The following OSBPL3 variants were observed in gnomAD, a reference collection of about 807,000 sequenced individuals.
OSBPL3 encodes oxysterol binding protein like 3.
In OSBPL3, 65 loss-of-function variants were observed where a neutral mutation model predicts 120.1. The ratio of observed to expected loss-of-function variants is 0.54; its 90% CI spans 0.44 to 0.67. The LOEUF is 0.67. Among genes scored for constraint, OSBPL3 ranks in the 30% least tolerant of loss-of-function variants. The probability of loss-of-function intolerance (pLI) is 0.00; values close to 1 mark genes in which losing one functional copy is unlikely to be tolerated. For missense variants in OSBPL3, 1,004 were observed against 1,082.1 expected, an observed-to-expected ratio of 0.93 and a Z score of 1.01; for synonymous variants, 416 against 402.6, an observed-to-expected ratio of 1.03 and a Z score of -0.40.
intron 12 of OSBPL3, among the ~76,000 whole-genome samples, chr7:24,846,610 AG>A (rs1798476895): frequency 6.6e-6 from 1 of 152,248 alleles, no homozygotes; most frequent in African/African-American, 2.4e-5. Flanking sequence ...AAATAATCAA[AG>A]AACTGATAAC....
Position 24,804,208 on chromosome 7 carries a change from G to A in OSBPL3, c.2567+107C>T. The A allele has an allele frequency of 7.5e-7, 1 of 1,342,194 alleles. No homozygotes were observed. The highest frequency in any genetic ancestry group is 1.0e-6 in the Non-Finnish European group (1 of 952,784). The allele number at this position is 1,342,194 out of a possible 1,614,324, so 83.1% of individuals were successfully genotyped here. ...CCCCACGTGGAAGCAGGAAAAGCCT[G>A]GAGAATGCTCTTATCTGGGGACAGT... On this transcript the variant is annotated intron_variant, in intron 22 of 22. Coordinates refer to ENST00000313367, the MANE Select transcript of OSBPL3 (RefSeq NM_015550.4). This position sits in a 1 kb window ranked among gnomAD's most constrained non-coding sequence, Gnocchi z 5.4.
chr7:24,862,252 CA>C lies in OSBPL3; in HGVS notation c.871-484del, dbSNP rs1446177090. On this transcript the variant is annotated intron_variant, in intron 9 of 22. Coordinates refer to ENST00000313367, the MANE Select transcript of OSBPL3 (RefSeq NM_015550.4). The surrounding 1 kb of genome is among the most constrained non-coding windows in gnomAD (Gnocchi z 4.4). Reference sequence around the variant, plus strand: ...TGAGAACTCAAGACAACACTTTCCACAGAAACTTGCTTCTTGTGAGCTAAAA... The same window carrying C: ...TGAGAACTCAAGACAACACTTTCCACGAAACTTGCTTCTTGTGAGCTAAAA... Among the ~76,000 whole-genome samples the C allele has an allele frequency of 2.6e-5, 4 of 152,190 alleles. No homozygotes were observed. The highest frequency in any genetic ancestry group is 5.9e-5 in the Non-Finnish European group (4 of 68,042).
chr7:24,814,089 C>T (rs777840234), intron 19 of OSBPL3, among the ~76,000 whole-genome samples: 43 of 152,016 alleles, frequency 2.8e-4, no homozygotes, highest in Non-Finnish European at 5.3e-4. Flanking sequence ...TGACTTCAGA[C>T]GGTGATAAGA....
rs146350779 is a variant in OSBPL3 at position 24,977,915 on chromosome 7, T to C, written c.-150+1971A>G. On this transcript the variant is annotated intron_variant, in intron 1 of 22. Transcript: ENST00000313367. Reference sequence around the variant, plus strand: ...CTGCAGCCTGGGAGTATCTGGCTTATGATGTAACTATTAACGATTACTGAA... The same window carrying C: ...CTGCAGCCTGGGAGTATCTGGCTTACGATGTAACTATTAACGATTACTGAA... Among the ~76,000 whole-genome samples, 1,051 of 152,388 alleles carry C rather than the reference T, an allele frequency of 6.9e-3. 8 individuals are homozygous for C. Among genetic ancestry groups the C allele is most frequent in the Admixed American group, 0.011 (167 of 15,310 alleles).
At chr7:24,908,424 C>T (rs905042476) in intron 1 of OSBPL3, among the ~76,000 whole-genome samples, 34 of 152,304 alleles carry the variant, frequency 2.2e-4, no homozygotes, top group Non-Finnish European at 7.4e-5. Context: ...GAGAAGAAAG[C>T]GCCCTCCATA....
intron 1 of OSBPL3, among the ~76,000 whole-genome samples, chr7:24,960,960 A>G (rs1480977223): frequency 6.6e-6 from 1 of 152,246 alleles, no homozygotes; most frequent in Non-Finnish European, 1.5e-5. Flanking sequence ...TGAAATTTGC[A>G]AAAGGCAGGT....
At chr7:24,979,448 C>CA (rs1218921699) in intron 1 of OSBPL3, among the ~76,000 whole-genome samples, 1 of 152,058 alleles carries the variant, frequency 6.6e-6, no homozygotes, top group African/African-American at 2.4e-5. Context: ...AGCGTTGTCT[C>CA]AGTCTCTCCG....
At position 24,830,949 on chromosome 7, in the gene OSBPL3, G is replaced by A. The variant is rs747540727; in HGVS notation, c.1747-44C>T. On this transcript the variant is annotated intron_variant, in intron 15 of 22. Coordinates refer to ENST00000313367, the MANE Select transcript of OSBPL3 (RefSeq NM_015550.4). This position sits in a 1 kb window ranked among gnomAD's most constrained non-coding sequence, Gnocchi z 4.4. ...AACTTTGTCATTTCCGTGTCACCAAGAGCTTTATTGTTCACAAAGAACTAA... is the reference window on the plus strand; with the variant it reads ...AACTTTGTCATTTCCGTGTCACCAAAAGCTTTATTGTTCACAAAGAACTAA... 2 of 1,532,904 alleles carry A rather than the reference G, an allele frequency of 1.3e-6. No homozygotes were observed. The highest frequency in any genetic ancestry group is 2.3e-5 in the Admixed American group (1 of 44,050). The allele number at this position is 1,532,904 out of a possible 1,614,324, so 95.0% of individuals were successfully genotyped here. A position where few individuals can be genotyped will look rare whatever the true frequency, so the allele number is the denominator to read the frequency against.
chr7:24,823,396 T>G (rs1307153526), intron 16 of OSBPL3, among the ~76,000 whole-genome samples: 1 of 152,156 alleles, frequency 6.6e-6, no homozygotes, highest in Non-Finnish European at 1.5e-5. Flanking sequence ...GTATTTTCAC[T>G]TAGTTCTTAG....
intron 16 of OSBPL3, among the ~76,000 whole-genome samples, chr7:24,823,103 G>T (rs952864650): frequency 2.6e-5 from 4 of 152,150 alleles, no homozygotes; most frequent in Admixed American, 2.0e-4. Context: ...GGGAACGAGG[G>T]AAAGGTTTTT....
chr7:24,938,864 A>G lies in OSBPL3; in HGVS notation c.-150+41022T>C, dbSNP rs1297429553. On this transcript the variant is annotated intron_variant, in intron 1 of 22. Coordinates refer to ENST00000313367, the MANE Select transcript of OSBPL3 (RefSeq NM_015550.4). The surrounding 1 kb of genome is among the most constrained non-coding windows in gnomAD (Gnocchi z 5.8). ...AGAGCAAAACTAATGTGGCCAAGAA[A>G]GAAAAAAAAAAAAGATTGTTATTAA... 6.6e-6 allele frequency among the ~76,000 whole-genome samples: 1 copy of G among 150,442 alleles called. No homozygotes were observed. The highest frequency in any genetic ancestry group is 1.5e-5 in the Non-Finnish European group (1 of 67,578).
rs537541172 is a variant in OSBPL3, at chr7:24,803,064, C to CA, written c.2567+1250dup. Among the ~76,000 whole-genome samples, 500 of 152,272 alleles carry CA rather than the reference C, an allele frequency of 3.3e-3. 3 individuals are homozygous for CA. Among genetic ancestry groups the CA allele is most frequent in the African/African-American group, 0.012 (478 of 41,558 alleles). On this transcript the variant is annotated intron_variant, in intron 22 of 22. Transcript: ENST00000313367. This position sits in a 1 kb window ranked among gnomAD's most constrained non-coding sequence, Gnocchi z 4.2. ...GAAAAGAGCATCATATTCTTCAAGACAAAACCTTATTTGTCACTATTTTGA... is the reference window on the plus strand; with the variant it reads ...GAAAAGAGCATCATATTCTTCAAGACAAAAACCTTATTTGTCACTATTTTGA...
In OSBPL3 at chr7:24,873,534, A is replaced by G. The variant is rs1802451470; in HGVS notation, c.97-1465T>C. 6.6e-6 allele frequency among the ~76,000 whole-genome samples: 1 copy of G among 152,166 alleles called. No homozygotes were observed. The highest frequency in any genetic ancestry group is 2.4e-5 in the African/African-American group (1 of 41,426). The stretch of plus-strand genomic sequence containing the variant: ...CCCAAGATCTGGAGTTGTGAAAAAG[A>G]CTTCTTCAATGGAAAAAAGCAAAGC... On this transcript the variant is annotated intron_variant, in intron 2 of 22. Transcript: ENST00000313367. The surrounding 1 kb of genome is among the most constrained non-coding windows in gnomAD (Gnocchi z 4.1).
chr7:24,850,245 G>A (rs1045515596), intron 11 of OSBPL3, among the ~76,000 whole-genome samples: 53 of 152,270 alleles, frequency 3.5e-4, no homozygotes, highest in African/African-American at 1.3e-3. Context: ...TCAACTAGGA[G>A]GAAAGTGGCT....
intron 10 of OSBPL3, among the ~76,000 whole-genome samples, chr7:24,860,817 C>T (rs1285919857): frequency 6.6e-6 from 1 of 152,174 alleles, no homozygotes; most frequent in Admixed American, 6.5e-5. Flanking sequence ...GTTTGTTTAA[C>T]CATTCATCTG....
At chr7:24,923,087 C>T (rs1381346872) in intron 1 of OSBPL3, among the ~76,000 whole-genome samples, 1 of 152,220 alleles carries the variant, frequency 6.6e-6, no homozygotes, top group Non-Finnish European at 1.5e-5. Context: ...AGCGAATCTT[C>T]CTCAGTTCAG....
intron 7 of OSBPL3, 38 bp downstream of exon 7, chr7:24,865,304 T>C (rs201833460): frequency 1.1e-4 from 175 of 1,608,296 alleles, no homozygotes; most frequent in Middle Eastern, 6.6e-4. Flanking sequence ...TATCATCTAA[T>C]AGCCACAACA....
chr7:24,943,818 TA>T (rs1813376458), intron 1 of OSBPL3, among the ~76,000 whole-genome samples: 1 of 152,210 alleles, frequency 6.6e-6, no homozygotes, highest in African/African-American at 2.4e-5. Flanking sequence ...CCAGAATAAA[TA>T]TCATAAATAG....
intron 1 of OSBPL3, among the ~76,000 whole-genome samples, chr7:24,974,963 G>A (rs1817421161): frequency 6.6e-6 from 1 of 152,174 alleles, no homozygotes; most frequent in Non-Finnish European, 1.5e-5. Context: ...ATTAAATTTT[G>A]TACCTTTAAA....
Sources: allele counts gnomAD v4.1 joint callset (sites outside exome capture counted in the v4.1 genomes callset), GRCh38; gene constraint gnomAD v4.1.1; non-coding constraint Gnocchi (gnomAD v3.1); transcripts MANE v1.5; gene names NCBI Gene and HGNC (gene_info 2026-07-23, HGNC 2026-07-21).